TIAM2: variants seen among roughly 807,000 people sequenced by gnomAD.
TIAM2 encodes the protein rho guanine nucleotide exchange factor TIAM2.
A neutral mutation model predicts 152.9 loss-of-function variants in TIAM2; 80 were observed. That is an observed-to-expected ratio of 0.52 (90% CI 0.44 to 0.63). The LOEUF (loss-of-function observed/expected upper bound fraction) is 0.63, where lower values mean the gene tolerates loss of function less well. Ranked by LOEUF, TIAM2 falls within the 30% of genes least tolerant of loss-of-function variation. The pLI, the probability that TIAM2 is intolerant of heterozygous loss-of-function variation, is 0.00. For missense variants in TIAM2, 1,965 were observed against 2,120.1 expected, an observed-to-expected ratio of 0.93 and a Z score of 1.44; for synonymous variants, 804 against 838.0, an observed-to-expected ratio of 0.96 and a Z score of 0.70.
chr6:155,197,834 G>C (rs553662785), intron 14 of TIAM2, among the ~76,000 whole-genome samples: 1 of 152,140 alleles, frequency 6.6e-6, no homozygotes, highest in Non-Finnish European at 1.5e-5. Context: ...CTCCCACCGG[G>C]TCCCTCCCAG....
At position 155,029,083 on chromosome 6, in the gene TIAM2, ATATATACACTGTATATACTATG is replaced by A. The variant is rs1321341826; in HGVS notation, c.-209+33593_-209+33614del. Among the ~76,000 whole-genome samples the A allele has an allele frequency of 1.8e-3, 219 of 122,284 alleles. 86 individuals carry two copies. The highest frequency in any genetic ancestry group is 0.026 in the Middle Eastern group (2 of 78). 80.2% of individuals were successfully genotyped at this position (122,284 alleles called of 152,430 possible). On this transcript the variant is annotated intron_variant, in intron 1 of 26. Transcript: ENST00000682666. ...CACTGTATATACTATATATACTGTT[ATATATACACTGTATATACTATG>A]TGTTATATATACACTGTATGTACTA...
At chr6:155,102,540 T>A (rs758686060) in intron 2 of TIAM2, among the ~76,000 whole-genome samples, 1 of 152,212 alleles carries the variant, frequency 6.6e-6, no homozygotes, top group Non-Finnish European at 1.5e-5. Context: ...ATAGTGGCTC[T>A]CAAACTTTTC....
intron 1 of TIAM2, among the ~76,000 whole-genome samples, chr6:155,003,162 A>G (rs546683395): frequency 3.4e-4 from 52 of 152,318 alleles, no homozygotes; most frequent in African/African-American, 1.3e-3. Flanking sequence ...GACTCTCTAA[A>G]TGGACTTTAT....
chr6:155,203,915 A>T, intron 14 of TIAM2, among the ~76,000 whole-genome samples: 1 of 152,152 alleles, frequency 6.6e-6, no homozygotes, highest in Non-Finnish European at 1.5e-5. Context: ...GGTAAAGTTG[A>T]GGTCCTGGCC....
intron 15 of TIAM2, among the ~76,000 whole-genome samples, chr6:155,227,764 T>C (rs1037836214): frequency 6.6e-6 from 1 of 152,144 alleles, no homozygotes; most frequent in African/African-American, 2.4e-5. Flanking sequence ...GAGGAATCTG[T>C]GAGGATATAG....
Position 155,211,316 on chromosome 6 carries a change from C to G in TIAM2, c.3168+9C>G. ...TGGAGCAGACATTCAGGGTAAGATACTGGCCCAAATCGCAAACCAAGAACC... is the reference window on the plus strand; with the variant it reads ...TGGAGCAGACATTCAGGGTAAGATAGTGGCCCAAATCGCAAACCAAGAACC... On this transcript the variant is annotated intron_variant, in intron 15 of 26. Coordinates refer to ENST00000682666, the MANE Select transcript of TIAM2 (RefSeq NM_012454.4). 2 of 1,611,044 alleles carry G rather than the reference C, an allele frequency of 1.2e-6. No homozygotes were observed. Among genetic ancestry groups the G allele is most frequent in the Non-Finnish European group, 1.7e-6 (2 of 1,177,666 alleles).
rs558497609 is a variant in TIAM2 at position 155,181,029 on chromosome 6, A to G, written c.2708-1197A>G. Among the ~76,000 whole-genome samples, 245 of 152,276 alleles carry G rather than the reference A, an allele frequency of 1.6e-3. 3 individuals are homozygous for G. The highest frequency in any genetic ancestry group is 5.7e-3 in the African/African-American group (237 of 41,556). ...ATCTTTGTATTGGAATGGATGAATGAAGACATTGCAAAGATACTCTCTGGT... is the reference window on the plus strand; with the variant it reads ...ATCTTTGTATTGGAATGGATGAATGGAGACATTGCAAAGATACTCTCTGGT... On this transcript the variant is annotated intron_variant, in intron 12 of 26. Coordinates refer to ENST00000682666, the MANE Select transcript of TIAM2 (RefSeq NM_012454.4).
At chr6:155,107,798 A>C (rs9397778) in intron 2 of TIAM2, among the ~76,000 whole-genome samples, 1 of 152,034 alleles carries the variant, frequency 6.6e-6, no homozygotes, top group East Asian at 1.9e-4. Flanking sequence ...ATTCTAGTCC[A>C]TTAGAGGCTG....
intron 14 of TIAM2, among the ~76,000 whole-genome samples, chr6:155,185,093 T>C (rs1280197274): frequency 6.6e-6 from 1 of 151,632 alleles, no homozygotes; most frequent in African/African-American, 2.4e-5. Flanking sequence ...AATGAATTCC[T>C]GTAGAAAGTA....
chr6:155,201,794 G>T (rs1781476671), intron 14 of TIAM2, among the ~76,000 whole-genome samples: 1 of 152,180 alleles, frequency 6.6e-6, no homozygotes, highest in African/African-American at 2.4e-5. Context: ...GATCCTGGCA[G>T]CCTGCTATTA....
chr6:155,225,115 A>G (rs910341764), intron 15 of TIAM2, among the ~76,000 whole-genome samples: 2 of 151,994 alleles, frequency 1.3e-5, no homozygotes, highest in Admixed American at 6.6e-5. Context: ...ACAACTGCAC[A>G]CAGCTAATTT....
chr6:155,234,197 C>T (rs1235356940), intron 15 of TIAM2, among the ~76,000 whole-genome samples: 1 of 152,124 alleles, frequency 6.6e-6, no homozygotes, highest in Non-Finnish European at 1.5e-5. Flanking sequence ...ATCTGAGGCC[C>T]CCATTTCAAG....
chr6:155,013,810 T>TA (rs1778527909), intron 1 of TIAM2: 2 of 152,122 alleles, frequency 1.3e-5, no homozygotes, highest in Admixed American at 6.6e-5. Flanking sequence ...TACAGGGTCT[T>TA]TCCTAAGTGC....
chr6:155,160,497 G>A (rs970063852), intron 7 of TIAM2, among the ~76,000 whole-genome samples: 3 of 152,166 alleles, frequency 2.0e-5, no homozygotes, highest in South Asian at 4.1e-4. Context: ...TGGTCACCCC[G>A]TGGCCCAATC....
intron 13 of TIAM2, 56 bp downstream of exon 13, chr6:155,182,374 G>A: frequency 7.2e-7 from 1 of 1,393,996 alleles, no homozygotes; most frequent in Non-Finnish European, 1.0e-6. Context: ...GTGGGATACA[G>A]TCTGGCTAGT....
At chr6:155,038,219 C>T (rs1040818043) in intron 1 of TIAM2, among the ~76,000 whole-genome samples, 7 of 152,166 alleles carry the variant, frequency 4.6e-5, no homozygotes, top group Non-Finnish European at 1.0e-4. Flanking sequence ...CCTTCTCGCC[C>T]GTTATCCTTC....
chr6:155,067,361 C>G (rs1317861932), intron 1 of TIAM2, among the ~76,000 whole-genome samples: 2 of 152,158 alleles, frequency 1.3e-5, no homozygotes, highest in African/African-American at 2.4e-5. Flanking sequence ...CCACCTTCAG[C>G]CTTTTATTAG....
intron 1 of TIAM2, among the ~76,000 whole-genome samples, chr6:155,061,906 T>C (rs1323863806): frequency 6.6e-6 from 1 of 152,194 alleles, no homozygotes; most frequent in Non-Finnish European, 1.5e-5. Flanking sequence ...TGGAGTCGTA[T>C]AGCCACCACC....
At chr6:155,201,053 T>C (rs1781462935) in intron 14 of TIAM2, among the ~76,000 whole-genome samples, 1 of 152,244 alleles carries the variant, frequency 6.6e-6, no homozygotes, top group Non-Finnish European at 1.5e-5. Context: ...CATATAAAAA[T>C]GAAAATACAA....
Sources: allele counts gnomAD v4.1 joint callset (sites outside exome capture counted in the v4.1 genomes callset), GRCh38; gene constraint gnomAD v4.1.1; transcripts MANE v1.5; gene names NCBI Gene and HGNC (gene_info 2026-07-23, HGNC 2026-07-21).